Variants in IMMP2L observed in about 807,000 individuals in gnomAD.
IMMP2L encodes the protein inner mitochondrial membrane peptidase subunit 2.
A neutral mutation model predicts 19.3 loss-of-function variants in IMMP2L; 18 were observed. The observed-to-expected ratio is 0.93, with a 90% confidence interval of 0.64 to 1.38. The LOEUF is 1.38. Ranked by LOEUF, IMMP2L falls within the 40% of genes most tolerant of loss-of-function variation. IMMP2L has a pLI of 0.00. For missense variants in IMMP2L, 233 were observed against 218.2 expected (o/e 1.07, Z -0.43); for synonymous variants, 76 against 73.0 (o/e 1.04, Z -0.21).
At chr7:111,500,276 C>T (rs1276421383) in intron 2 of IMMP2L, among the ~76,000 whole-genome samples, 7 of 152,098 alleles carry the variant, frequency 4.6e-5, no homozygotes, top group African/African-American at 9.7e-5. Context: ...CTGCCATTGC[C>T]GAGGCTCGAT....
intron 3 of IMMP2L, among the ~76,000 whole-genome samples, chr7:111,202,035 T>C (rs1047601428): frequency 6.6e-6 from 1 of 152,184 alleles, no homozygotes; most frequent in Non-Finnish European, 1.5e-5. Flanking sequence ...CATGCAAAAC[T>C]AGACATTAAT....
intron 4 of IMMP2L, among the ~76,000 whole-genome samples, chr7:110,897,146 G>T (rs1811405286): frequency 6.6e-6 from 1 of 151,932 alleles, no homozygotes; most frequent in African/African-American, 2.4e-5. Flanking sequence ...AAAAGCAAAA[G>T]GTATGCTGTA....
rs1216656436 is a variant in IMMP2L, at chr7:110,776,068, GAATAA to G, written c.408+110520_408+110524del. Among the ~76,000 whole-genome samples, 7 of 151,976 alleles carry G rather than the reference GAATAA, an allele frequency of 4.6e-5. No homozygotes were observed. In the East Asian group the frequency reaches 1.4e-3, roughly 30 times the overall value. On this transcript the variant is annotated intron_variant, in intron 5 of 5. Transcript: ENST00000405709. ...GCCAATAATAAATAATCCGTAATTTGAATAAAATAATTCATAATAAACAGTGACTG... is the reference window on the plus strand; with the variant it reads ...GCCAATAATAAATAATCCGTAATTTGAATAATTCATAATAAACAGTGACTG...
intron 3 of IMMP2L, among the ~76,000 whole-genome samples, chr7:111,226,684 G>A (rs1813143009): frequency 6.6e-6 from 1 of 152,038 alleles, no homozygotes; most frequent in Non-Finnish European, 1.5e-5. Flanking sequence ...AGCTAATTGT[G>A]AAGTGAAATA....
intron 3 of IMMP2L, among the ~76,000 whole-genome samples, chr7:111,290,498 TC>T (rs1820966940): frequency 6.6e-6 from 1 of 150,848 alleles, no homozygotes; most frequent in African/African-American, 2.5e-5. Context: ...ATGATTGACT[TC>T]TTTTTAAAAA....
chr7:111,385,658 T>C (rs991997666), intron 3 of IMMP2L, among the ~76,000 whole-genome samples: 1 of 152,126 alleles, frequency 6.6e-6, no homozygotes, highest in Admixed American at 6.6e-5. Flanking sequence ...CATATAAACG[T>C]CATTTTACTC....
At chr7:110,950,677 C>A (rs1248417043) in intron 4 of IMMP2L, among the ~76,000 whole-genome samples, 1 of 151,384 alleles carries the variant, frequency 6.6e-6, no homozygotes, top group Non-Finnish European at 1.5e-5. Context: ...AATCAACTTA[C>A]TGACAATGAG....
intron 5 of IMMP2L, among the ~76,000 whole-genome samples, chr7:110,848,574 G>A (rs1805896550): frequency 6.6e-6 from 1 of 152,030 alleles, no homozygotes; most frequent in South Asian, 2.1e-4. Flanking sequence ...TAAATAAACT[G>A]AAAACTTATG....
rs190025983 is a variant in IMMP2L at position 111,360,052 on chromosome 7, A to C, written c.239+127186T>G. Among the ~76,000 whole-genome samples, 752 of 152,104 alleles carry C rather than the reference A, an allele frequency of 4.9e-3. 3 individuals carry two copies. The highest frequency in any genetic ancestry group is 0.02 in the Middle Eastern group (6 of 294). ...CTGTTCACAATTCCTATCCTGTTGA[A>C]ATTTATACTCTAATCCACTCCATAA... On this transcript the variant is annotated intron_variant, in intron 3 of 5. Coordinates refer to ENST00000405709, the MANE Select transcript of IMMP2L (RefSeq NM_032549.4).
At chr7:111,371,848 C>T (rs1830285332) in intron 3 of IMMP2L, among the ~76,000 whole-genome samples, 1 of 152,060 alleles carries the variant, frequency 6.6e-6, no homozygotes, top group South Asian at 2.1e-4. Flanking sequence ...AACAAACATA[C>T]AAATAAAATA....
At chr7:110,891,621 C>G (rs1307299550) in intron 4 of IMMP2L, among the ~76,000 whole-genome samples, 1 of 151,836 alleles carries the variant, frequency 6.6e-6, no homozygotes, top group Admixed American at 6.6e-5. Flanking sequence ...AATATACATG[C>G]TATATTTAAA....
chr7:111,346,032 TA>T (rs1194772091), intron 3 of IMMP2L, among the ~76,000 whole-genome samples: 2 of 152,176 alleles, frequency 1.3e-5, no homozygotes, highest in African/African-American at 4.8e-5. Flanking sequence ...CTGCAAGACA[TA>T]ACATTGGGTT....
chr7:110,977,612 G>A (rs1429635338), intron 3 of IMMP2L, among the ~76,000 whole-genome samples: 4 of 151,904 alleles, frequency 2.6e-5, no homozygotes, highest in Non-Finnish European at 5.9e-5. Flanking sequence ...TAGCAATTCT[G>A]CCACCAAATA....
At chr7:110,986,729 C>T (rs900726306) in intron 3 of IMMP2L, among the ~76,000 whole-genome samples, 2 of 151,788 alleles carry the variant, frequency 1.3e-5, no homozygotes, top group Non-Finnish European at 2.9e-5. Context: ...CTCTTGGCCT[C>T]AGCTGGCTTA....
At chr7:111,303,362 T>A (rs1202598693) in intron 3 of IMMP2L, among the ~76,000 whole-genome samples, 1 of 152,138 alleles carries the variant, frequency 6.6e-6, no homozygotes, top group Non-Finnish European at 1.5e-5. Context: ...ACAATGAATC[T>A]CTGGCTGAAT....
chr7:111,046,419 A>T (rs1270128322), intron 3 of IMMP2L, among the ~76,000 whole-genome samples: 1 of 152,122 alleles, frequency 6.6e-6, no homozygotes, highest in East Asian at 1.9e-4. Context: ...GGGAAACAAA[A>T]TTAGGAGAAA....
intron 5 of IMMP2L, among the ~76,000 whole-genome samples, chr7:110,686,106 G>A (rs1367088888): frequency 6.6e-6 from 1 of 152,038 alleles, no homozygotes; most frequent in Non-Finnish European, 1.5e-5. Flanking sequence ...TGACAGAACT[G>A]CATTCTTAAA....
At chr7:110,722,850 A>C (rs1795661169) in intron 5 of IMMP2L, among the ~76,000 whole-genome samples, 1 of 152,070 alleles carries the variant, frequency 6.6e-6, no homozygotes, top group African/African-American at 2.4e-5. Context: ...GAAGCAGAGA[A>C]ATGTGTGTGT....
At chr7:111,286,835 C>T (rs2130774525) in intron 3 of IMMP2L, among the ~76,000 whole-genome samples, 1 of 152,274 alleles carries the variant, frequency 6.6e-6, no homozygotes, top group African/African-American at 2.4e-5. Context: ...CAGTGGGTGA[C>T]TGAGGTCCCA....
Sources: gnomAD v4.1 joint callset for allele counts (sites outside exome capture counted in the v4.1 genomes callset) on GRCh38, gnomAD v4.1.1 for gene constraint, MANE v1.5 for transcripts, NCBI Gene and HGNC (gene_info 2026-07-23, HGNC 2026-07-21) for gene names.